ABCC4: variants seen among roughly 807,000 people sequenced by gnomAD.
The protein encoded by ABCC4 is ATP-binding cassette sub-family C member 4.
A neutral mutation model predicts 168.5 loss-of-function variants in ABCC4; 102 were observed. The observed-to-expected ratio is 0.61, with a 90% confidence interval of 0.52 to 0.71. The LOEUF is 0.71. Ranked by LOEUF, ABCC4 falls within the 30% of genes least tolerant of loss-of-function variation. The probability of loss-of-function intolerance (pLI) is 0.00; values close to 1 mark genes in which losing one functional copy is unlikely to be tolerated. For synonymous variants in ABCC4, 617 were observed against 590.7 expected, an observed-to-expected ratio of 1.04 and a Z score of -0.65; for missense variants, 1,402 against 1,605.8, an observed-to-expected ratio of 0.87 and a Z score of 2.17.
intron 4 of ABCC4, among the ~76,000 whole-genome samples, chr13:95,232,479 C>T (rs910906539): frequency 2.6e-5 from 4 of 152,090 alleles, no homozygotes; most frequent in African/African-American, 9.7e-5. Flanking sequence ...GAGTTCAAGA[C>T]CAGCCTGGCC....
chr13:95,130,075 T>TAAA (rs539290300), intron 19 of ABCC4, among the ~76,000 whole-genome samples: 1 of 129,420 alleles, frequency 7.7e-6, no homozygotes, highest in Non-Finnish European at 1.7e-5. Context: ...AACTCCATCT[T>TAAA]AAAAAAAAAA....
At position 95,166,235 on chromosome 13, in the gene ABCC4, T is replaced by A; in HGVS notation, c.1957A>T (p.Thr653Ser). Residue 653 changes from threonine to serine, a missense_variant, in exon 15 of 31, where the codon ACC becomes TCC. Coordinates refer to ENST00000645237, the MANE Select transcript of ABCC4 (RefSeq NM_005845.5). ...VPGTPTLRNRTFSESSVWSQQ... is the reference protein window; with the variant it reads ...VPGTPTLRNRSFSESSVWSQQ... ...GACCAAACCGAAGACTCTGAGAAGG[T>A]ACGATTCCTTAGTGTGGGAGTTCCT... The A allele has an allele frequency of 6.2e-7, 1 of 1,614,138 alleles. No individual in the cohort carries two copies. The highest frequency in any genetic ancestry group is 8.5e-7 in the Non-Finnish European group (1 of 1,180,006).
chr13:95,273,441 C>G (rs2138888239), intron 1 of ABCC4, among the ~76,000 whole-genome samples: 1 of 152,262 alleles, frequency 6.6e-6, no homozygotes, highest in Non-Finnish European at 1.5e-5. Context: ...GTCTTTAGCC[C>G]ACCTAGCAGA....
chr13:95,068,680 G>A, intron 25 of ABCC4, among the ~76,000 whole-genome samples: 1 of 152,150 alleles, frequency 6.6e-6, no homozygotes, highest in Admixed American at 6.5e-5. Flanking sequence ...CCACATTTCA[G>A]ATCTCAGGTA....
At chr13:95,193,351 T>G (rs1751014) in intron 9 of ABCC4, among the ~76,000 whole-genome samples, 136,361 of 152,212 alleles carry the variant, frequency 0.9, 61,308 homozygotes, top group African/African-American at 0.96. Context: ...CAGCCTGAGC[T>G]GTTCCAGTAC....
intron 19 of ABCC4, among the ~76,000 whole-genome samples, chr13:95,117,244 C>A (rs1434610768): frequency 2.1e-5 from 3 of 141,922 alleles, no homozygotes; most frequent in African/African-American, 8.2e-5. Flanking sequence ...ATTAAACGGG[C>A]TCATGCCTGT....
chr13:95,271,999 T>C (rs1321185895), intron 1 of ABCC4, among the ~76,000 whole-genome samples: 1 of 152,020 alleles, frequency 6.6e-6, no homozygotes, highest in East Asian at 1.9e-4. Flanking sequence ...CTCTAGTACC[T>C]GAGATAACTT....
At chr13:95,139,583 T>C (rs578149912) in intron 19 of ABCC4, among the ~76,000 whole-genome samples, 1 of 152,314 alleles carries the variant, frequency 6.6e-6, no homozygotes, top group East Asian at 1.9e-4. Context: ...CACGCATATG[T>C]ATATGGTGCT....
At position 95,158,392 on chromosome 13, in the gene ABCC4, G is replaced by A. The variant is rs554514021; in HGVS notation, c.2455+2797C>T. Among the ~76,000 whole-genome samples, 8 of 152,292 alleles carry A rather than the reference G, an allele frequency of 5.3e-5. No homozygotes were observed. The South Asian group carries it at 1.7e-3, about 32-fold the overall frequency. On this transcript the variant is annotated intron_variant, in intron 19 of 30. Transcript: ENST00000645237. ...GAGAATATTCCAGCACAAGGGCACT[G>A]GAGATGGGGATATGAGGGACGTCTA...
rs1189337 is a variant in ABCC4, at chr13:95,053,660, G to A, written c.3367-476C>T. On this transcript the variant is annotated intron_variant, in intron 26 of 30. Coordinates refer to ENST00000645237, the MANE Select transcript of ABCC4 (RefSeq NM_005845.5). ...AGAATAAATTAGGATTATTTTCTCCGTTGGCAAAACAGTTTTCCAAGATTA... is the reference window on the plus strand; with the variant it reads ...AGAATAAATTAGGATTATTTTCTCCATTGGCAAAACAGTTTTCCAAGATTA... 389 of 163,038 alleles carry A rather than the reference G, an allele frequency of 2.4e-3. 2 individuals carry two copies. The highest frequency in any genetic ancestry group is 9.0e-3 in the African/African-American group (373 of 41,626). The allele number at this position is 163,038 out of a possible 1,614,324, so 10.1% of individuals were successfully genotyped here.
Position 95,064,256 on chromosome 13 carries a change from GTGTGTA to G in ABCC4, c.3211-1403_3211-1398del, listed in dbSNP as rs1201842473. Among the ~76,000 whole-genome samples the G allele has an allele frequency of 4.0e-3, 60 of 15,146 alleles. 1 individual carries two copies. The highest frequency in any genetic ancestry group is 7.2e-3 in the African/African-American group (59 of 8,180). 9.9% of individuals were successfully genotyped at this position (15,146 alleles called of 152,430 possible). On this transcript the variant is annotated intron_variant, in intron 25 of 30. Transcript: ENST00000645237. Reference sequence around the variant, plus strand: ...CATAGGTACATCCGGGTGTGTGTGTGTGTGTATATATATATATATATATATATATAT... The same window carrying G: ...CATAGGTACATCCGGGTGTGTGTGTGTATATATATATATATATATATATAT...
intron 1 of ABCC4, among the ~76,000 whole-genome samples, chr13:95,252,485 G>A (rs1458561034): frequency 6.6e-6 from 1 of 152,056 alleles, no homozygotes; most frequent in East Asian, 1.9e-4. Flanking sequence ...AAACCAGACT[G>A]GCCAGCATGG....
chr13:95,025,709 A>C (rs1419173698), intron 30 of ABCC4, among the ~76,000 whole-genome samples: 6 of 151,940 alleles, frequency 3.9e-5, no homozygotes. Context: ...GGGCCTGGAG[A>C]TTATACAAAT....
In ABCC4 at chr13:95,220,766, G is replaced by T. The variant is rs2039290770; in HGVS notation, c.532-9985C>A. 2.0e-5 allele frequency among the ~76,000 whole-genome samples: 3 copies of T among 152,226 alleles called. No individual in the cohort carries two copies. In the South Asian group the frequency reaches 6.2e-4, roughly 32 times the overall value. ...TAAGCATATCAAATAACAGCCCTGT[G>T]CCCACAGCTATTACCCCCAGGAGAG... On this transcript the variant is annotated intron_variant, in intron 4 of 30. Transcript: ENST00000645237.
chr13:95,258,474 A>T (rs540358025), intron 1 of ABCC4, among the ~76,000 whole-genome samples: 2 of 152,292 alleles, frequency 1.3e-5, no homozygotes, highest in South Asian at 4.1e-4. Context: ...ACAAAAAACC[A>T]AACATACCCT....
At chr13:95,143,078 G>T (rs533981685) in intron 19 of ABCC4, among the ~76,000 whole-genome samples, 1 of 152,192 alleles carries the variant, frequency 6.6e-6, no homozygotes, top group African/African-American at 2.4e-5. Flanking sequence ...GTCTCACCTG[G>T]ATTGGTACAT....
chr13:95,224,587 T>C (rs9524844), intron 4 of ABCC4, among the ~76,000 whole-genome samples: 27,123 of 151,762 alleles, frequency 0.18, 3,303 homozygotes, highest in Non-Finnish European at 0.27. Context: ...AAATACAAAA[T>C]TTAGCCAGGT....
chr13:95,089,447 G>A (rs1175999531), intron 20 of ABCC4, among the ~76,000 whole-genome samples: 1 of 151,996 alleles, frequency 6.6e-6, no homozygotes, highest in Non-Finnish European at 1.5e-5. Context: ...GTGAAACCCC[G>A]TCTCTACTAA....
chr13:95,171,000 T>C (rs2037452127), intron 13 of ABCC4, among the ~76,000 whole-genome samples: 1 of 151,970 alleles, frequency 6.6e-6, no homozygotes, highest in African/African-American at 2.4e-5. Context: ...CGACGCGGCA[T>C]TTTTCTTGGA....
Sources: gnomAD v4.1 joint callset for allele counts (sites outside exome capture counted in the v4.1 genomes callset) on GRCh38, gnomAD v4.1.1 for gene constraint, MANE v1.5 for transcripts, NCBI Gene and HGNC (gene_info 2026-07-23, HGNC 2026-07-21) for gene names.